TRABD2B: variants seen among roughly 807,000 people sequenced by gnomAD.
The protein encoded by TRABD2B is TraB domain containing 2B.
TRABD2B carries 14 observed loss-of-function variants against 40.1 expected under a neutral mutation model. The observed-to-expected ratio is 0.35, with a 90% CI of 0.23 to 0.55. The LOEUF (loss-of-function observed/expected upper bound fraction) is 0.55. Among genes scored for constraint, TRABD2B ranks in the 20% least tolerant of loss-of-function variants. The pLI, the probability that TRABD2B is intolerant of heterozygous loss-of-function variation, is 0.90. For missense variants in TRABD2B, 541 were observed against 648.6 expected (o/e 0.83, Z 1.80); for synonymous variants, 263 against 277.0 (o/e 0.95, Z 0.50).
intron 2 of TRABD2B, among the ~76,000 whole-genome samples, chr1:47,837,644 C>G (rs528413214): frequency 6.6e-6 from 1 of 152,260 alleles, no homozygotes; most frequent in South Asian, 2.1e-4. Flanking sequence ...AGAGACGAAC[C>G]GGGCTTCTGA....
At chr1:47,876,616 C>G (rs1644228682) in intron 2 of TRABD2B, among the ~76,000 whole-genome samples, 1 of 152,198 alleles carries the variant, frequency 6.6e-6, no homozygotes, top group Non-Finnish European at 1.5e-5. Flanking sequence ...GAGAAGGAAG[C>G]CATAGCCCTG....
At chr1:47,924,094 G>A (rs910788256) in intron 2 of TRABD2B, among the ~76,000 whole-genome samples, 2 of 152,022 alleles carry the variant, frequency 1.3e-5, no homozygotes, top group African/African-American at 4.8e-5. Flanking sequence ...GTAGAGCCTT[G>A]GGTCTGCATC....
intron 6 of TRABD2B, among the ~76,000 whole-genome samples, chr1:47,772,775 C>T (rs1557554400): frequency 6.6e-6 from 1 of 152,078 alleles, no homozygotes. Context: ...GCAACGGAGG[C>T]TGTGCCCTGC....
intron 2 of TRABD2B, among the ~76,000 whole-genome samples, chr1:47,890,661 G>A (rs934111050): frequency 1.3e-5 from 2 of 152,198 alleles, no homozygotes; most frequent in African/African-American, 2.4e-5. Flanking sequence ...TCTGCCAAAT[G>A]CCTTCTCACA....
intron 2 of TRABD2B, among the ~76,000 whole-genome samples, chr1:47,926,288 A>G (rs1488828716): frequency 5.9e-5 from 9 of 152,174 alleles, no homozygotes; most frequent in Admixed American, 5.9e-4. Context: ...CAAGGATAAG[A>G]CTGGGGAAGT....
At chr1:47,779,476 T>G (rs1451674264) in intron 4 of TRABD2B, among the ~76,000 whole-genome samples, 1 of 152,218 alleles carries the variant, frequency 6.6e-6, no homozygotes, top group Non-Finnish European at 1.5e-5. Context: ...GGCAATTTAG[T>G]TGAAAGCCCC....
chr1:47,946,221 T>C (rs1229206514), intron 2 of TRABD2B, among the ~76,000 whole-genome samples: 1 of 152,254 alleles, frequency 6.6e-6, no homozygotes, highest in Admixed American at 6.5e-5. Context: ...CTTTTGCTTA[T>C]TTAAAAAATT....
At chr1:47,927,295 G>C (rs1006752853) in intron 2 of TRABD2B, among the ~76,000 whole-genome samples, 2 of 152,154 alleles carry the variant, frequency 1.3e-5, no homozygotes, top group Non-Finnish European at 2.9e-5. Flanking sequence ...TTGCAGCCCC[G>C]TCTCCCTGAC....
rs201881656 is a variant in TRABD2B, at chr1:47,863,372, TTATA to T, written c.667-61757_667-61754del. Among the ~76,000 whole-genome samples the T allele has an allele frequency of 1.7e-3, 114 of 66,496 alleles. 10 individuals carry two copies. The highest frequency in any genetic ancestry group is 3.8e-3 in the African/African-American group (73 of 19,064). 43.6% of individuals were successfully genotyped at this position (66,496 alleles called of 152,430 possible). A position where few individuals can be genotyped will look rare whatever the true frequency, so the allele number is the denominator to read the frequency against. ...ATAATTGGATATATCCTATATAATT[TTATA>T]TATATATATATATATATAATCTCTT... On this transcript the variant is annotated intron_variant, in intron 2 of 6. Coordinates refer to ENST00000606738, the MANE Select transcript of TRABD2B (RefSeq NM_001194986.2).
intron 2 of TRABD2B, among the ~76,000 whole-genome samples, chr1:47,938,396 A>C (rs558148356): frequency 6.6e-6 from 1 of 152,302 alleles, no homozygotes; most frequent in Admixed American, 6.5e-5. Context: ...TCACCTGTCC[A>C]TCTGTTTTTC....
intron 2 of TRABD2B, among the ~76,000 whole-genome samples, chr1:47,837,940 A>C (rs1645341806): frequency 6.6e-6 from 1 of 152,222 alleles, no homozygotes; most frequent in Admixed American, 6.5e-5. Flanking sequence ...AAGTCTACAG[A>C]GTGAGAAGGT....
intron 2 of TRABD2B, among the ~76,000 whole-genome samples, chr1:47,946,500 G>A (rs1273935642): frequency 2.0e-5 from 3 of 152,032 alleles, no homozygotes; most frequent in Admixed American, 6.6e-5. Context: ...GATCATATGG[G>A]TTTTTCTTCT....
chr1:47,798,992 T>C (rs1352016433), intron 3 of TRABD2B, among the ~76,000 whole-genome samples: 1 of 152,194 alleles, frequency 6.6e-6, no homozygotes, highest in East Asian at 1.9e-4. Context: ...TGGGTTGCTC[T>C]TCGAATCCAG....
chr1:47,961,544 T>C (rs1645515862), intron 2 of TRABD2B, among the ~76,000 whole-genome samples: 1 of 152,156 alleles, frequency 6.6e-6, no homozygotes, highest in Admixed American at 6.5e-5. Flanking sequence ...CTTCAAAAAG[T>C]GGGCAAAGGA....
chr1:47,957,973 C>T (rs1645449740), intron 2 of TRABD2B, among the ~76,000 whole-genome samples: 1 of 152,156 alleles, frequency 6.6e-6, no homozygotes, highest in Non-Finnish European at 1.5e-5. Flanking sequence ...GGTCGGGTTA[C>T]CCACAAAGGG....
At chr1:47,790,501 A>T (rs1644656677) in intron 4 of TRABD2B, among the ~76,000 whole-genome samples, 1 of 152,244 alleles carries the variant, frequency 6.6e-6, no homozygotes, top group Non-Finnish European at 1.5e-5. Context: ...AGAAGAGGTC[A>T]CACAGTGCCA....
intron 2 of TRABD2B, among the ~76,000 whole-genome samples, chr1:47,894,593 G>A (rs1644492239): frequency 6.6e-6 from 1 of 152,170 alleles, no homozygotes; most frequent in South Asian, 2.1e-4. Flanking sequence ...TGGCAGTCAG[G>A]AAGGCTTCTC....
intron 2 of TRABD2B, among the ~76,000 whole-genome samples, chr1:47,901,817 C>T (rs1180883469): frequency 6.6e-6 from 1 of 152,114 alleles, no homozygotes; most frequent in Admixed American, 6.5e-5. Context: ...GTCTGTGGGA[C>T]AAGTGTCATG....
At chr1:47,776,804 G>A (rs1344051836) in intron 5 of TRABD2B, among the ~76,000 whole-genome samples, 1 of 152,152 alleles carries the variant, frequency 6.6e-6, no homozygotes, top group Non-Finnish European at 1.5e-5. Context: ...AAGGAAAGAA[G>A]GCCATCAGCT....
Sources: gnomAD v4.1 joint callset for allele counts (sites outside exome capture counted in the v4.1 genomes callset) on GRCh38, gnomAD v4.1.1 for gene constraint, MANE v1.5 for transcripts, NCBI Gene and HGNC (gene_info 2026-07-23, HGNC 2026-07-21) for gene names.